Variants in RPP14 observed in about 807,000 individuals in gnomAD.
The protein encoded by RPP14 is ribonuclease P protein subunit p14.
A neutral mutation model predicts 17.8 loss-of-function variants in RPP14; 19 were observed. The observed-to-expected ratio is 1.07, with a 90% CI of 0.74 to 1.57. The LOEUF is 1.57. RPP14 is among the 40% of genes most tolerant of loss of function. The pLI is 0.00. For missense variants in RPP14, 125 were observed against 140.8 expected (o/e 0.89, Z 0.57); for synonymous variants, 60 against 56.4 (o/e 1.06, Z -0.29).
chr3:58,316,468 A>G, intron 3 of RPP14, 47 bp from the exon 4 acceptor site: 9 of 1,522,436 alleles, frequency 5.9e-6, no homozygotes, highest in Non-Finnish European at 8.2e-6. Context: ...CAAGCATTCA[A>G]GAATAATGGT....
At chr3:58,316,364 C>G (rs2097488281) in intron 3 of RPP14, 151 bp from the exon 4 acceptor site, 2 of 647,386 alleles carry the variant, frequency 3.1e-6, no homozygotes, top group Non-Finnish European at 5.5e-6. Context: ...GCAGGGGGAG[C>G]TGTAAGTAGG....
At chr3:58,316,338 A>G (rs1388856559) in intron 3 of RPP14, among the ~76,000 whole-genome samples, 177 bp from the exon 4 acceptor site, 1 of 152,254 alleles carries the variant, frequency 6.6e-6, no homozygotes, top group Non-Finnish European at 1.5e-5. Flanking sequence ...GAAGAGGTGT[A>G]GGCAGAACAT....
chr3:58,317,535 C>T lies in RPP14; in HGVS notation c.*39C>T, dbSNP rs1553725171. On this transcript the variant is annotated 3_prime_UTR_variant, in exon 6 of 6. Transcript: ENST00000295959. ...CATTTTGGAAACGTTCATCCACTCT[C>T]ATATTTATTTTTTGGTGCCTGCATG... The T allele has an allele frequency of 7.2e-7, 1 of 1,388,376 alleles. No homozygotes were observed. 86.0% of individuals were successfully genotyped at this position (1,388,376 alleles called of 1,614,324 possible). A position where few individuals can be genotyped will look rare whatever the true frequency, so the allele number is the denominator to read the frequency against.
chr3:58,310,074 C>A, intron 1 of RPP14: 1 of 475,710 alleles, frequency 2.1e-6, no homozygotes, highest in Non-Finnish European at 3.8e-6. Context: ...GTGGCACGTG[C>A]CTATACTCCC....
intron 1 of RPP14, among the ~76,000 whole-genome samples, chr3:58,309,023 G>A (rs1248235380): frequency 6.6e-6 from 1 of 152,166 alleles, no homozygotes; most frequent in African/African-American, 2.4e-5. Context: ...CCCCTTCCAG[G>A]AATCCCTCTT....
intron 3 of RPP14, among the ~76,000 whole-genome samples, chr3:58,316,178 A>AT (rs1292301153): frequency 2.0e-5 from 3 of 152,228 alleles, no homozygotes; most frequent in Non-Finnish European, 4.4e-5. Flanking sequence ...CATGTTGGAC[A>AT]ATTAGTGACA....
At chr3:58,309,785 G>T (rs536539410) in intron 1 of RPP14, among the ~76,000 whole-genome samples, 1 of 152,222 alleles carries the variant, frequency 6.6e-6, no homozygotes, top group South Asian at 2.1e-4. Context: ...CCAGCTACTC[G>T]GGAGGCTGAG....
At position 58,317,436 on chromosome 3, in the gene RPP14, C is replaced by A. The variant is rs1365765487; in HGVS notation, c.319-4C>A. The stretch of plus-strand genomic sequence containing the variant: ...ATGCCTTAACCTTTTTCTTTCTCTT[C>A]TAGGTTTCTCCATTTCTTCTTGCAT... On this transcript the variant is annotated splice_polypyrimidine_tract_variant and splice_region_variant and intron_variant, in intron 5 of 5. Coordinates refer to ENST00000295959, the MANE Select transcript of RPP14 (RefSeq NM_007042.6). 1 of 1,588,434 alleles carries A rather than the reference C, an allele frequency of 6.3e-7. No individual in the cohort carries two copies. The highest frequency in any genetic ancestry group is 1.7e-5 in the Admixed American group (1 of 58,864).
Position 58,316,569 on chromosome 3 carries a change from G to T in RPP14, c.217G>T (p.Ala73Ser), listed in dbSNP as rs763266408. The part of the protein sequence containing the change: ...ILTYEEKTLS[A>S]ILRICSSGLV... Reference sequence around the variant, plus strand: ...AACCTATGAAGAGAAGACCTTGTCAGCCATCTTGAGAATATGTAGCAGGTA... The same window carrying T: ...AACCTATGAAGAGAAGACCTTGTCATCCATCTTGAGAATATGTAGCAGGTA... The change falls in exon 4 of 6, where the codon GCC (alanine) becomes TCC (serine). Residue 73 changes from alanine (A) to serine (S), a missense_variant. By Grantham distance (99) the Ala-to-Ser change is moderately conservative. Coordinates refer to ENST00000295959, the MANE Select transcript of RPP14 (RefSeq NM_007042.6). The T allele has an allele frequency of 3.7e-6, 6 of 1,613,938 alleles. No individual in the cohort carries two copies. In the African/African-American group the frequency reaches 8.0e-5, roughly 22 times the overall value.
chr3:58,308,923 G>A (rs1035348345), intron 1 of RPP14, among the ~76,000 whole-genome samples: 12 of 152,240 alleles, frequency 7.9e-5, no homozygotes, highest in Non-Finnish European at 1.3e-4. Flanking sequence ...AGCAAGGTTG[G>A]CATGGAGCCA....
Position 58,319,811 on chromosome 3 carries a change from G to A in RPP14, c.*2315G>A, listed in dbSNP as rs984287347. 1.8e-4 allele frequency: 27 copies of A among 151,690 alleles called. No individual in the cohort carries two copies. The highest frequency in any genetic ancestry group is 6.1e-4 in the African/African-American group (25 of 41,264). The allele number at this position is 151,690 out of a possible 1,614,324, so 9.4% of individuals were successfully genotyped here. A position where few individuals can be genotyped will look rare whatever the true frequency, so the allele number is the denominator to read the frequency against. On this transcript the variant is annotated 3_prime_UTR_variant, in exon 6 of 6. Transcript: ENST00000295959. ...TGTTTCCCATTTTTTTTTGTTTCCC[G>A]TTTTTTAATAAAATTGAGATATAAT...
At chr3:58,314,675 A>ATTTTTTTTTTTTTTTTTTTTTTTT (rs751757663) in intron 3 of RPP14, among the ~76,000 whole-genome samples, 8 of 90,560 alleles carry the variant, frequency 8.8e-5, no homozygotes, top group Non-Finnish European at 9.7e-5. Context: ...GTTTGGCAGT[A>ATTTTTTTTTTTTTTTTTTTTTTTT]TTTTTTTTTT....
chr3:58,306,850 G>T (rs1382833280), intron 1 of RPP14, among the ~76,000 whole-genome samples: 2 of 152,148 alleles, frequency 1.3e-5, no homozygotes, highest in Admixed American at 1.3e-4. Flanking sequence ...ACTTTTGTTG[G>T]GGTGGGGAGG....
rs2097492199 is a variant in RPP14 at position 58,319,517 on chromosome 3, G to T, written c.*2021G>T. 6.6e-6 allele frequency: 1 copy of T among 151,986 alleles called. No homozygotes were observed. Among genetic ancestry groups the T allele is most frequent in the Non-Finnish European group, 1.5e-5 (1 of 68,016 alleles). 9.4% of individuals were successfully genotyped at this position (151,986 alleles called of 1,614,324 possible). Reference sequence around the variant, plus strand: ...TAAACGTAACAGACCAGTTTTTCAGGGTGTCAGCCAACCTCTATTAGTGTT... The same window carrying T: ...TAAACGTAACAGACCAGTTTTTCAGTGTGTCAGCCAACCTCTATTAGTGTT... On this transcript the variant is annotated 3_prime_UTR_variant, in exon 6 of 6. Transcript: ENST00000295959.
chr3:58,310,186 G>A, intron 1 of RPP14, 123 bp from the exon 2 acceptor site: 5 of 680,134 alleles, frequency 7.4e-6, no homozygotes, highest in Non-Finnish European at 1.3e-5. Context: ...CAGCCTAGGT[G>A]ACAGGGTGAG....
chr3:58,306,629 G>T (rs1029313008), intron 1 of RPP14: 2 of 152,350 alleles, frequency 1.3e-5, no homozygotes, highest in South Asian at 4.1e-4. Context: ...TGTCCTGAGC[G>T]CTCTCCATGC....
At position 58,316,982 on chromosome 3, in the gene RPP14, C is replaced by T. The variant is rs763270675; in HGVS notation, c.307C>T (p.Arg103Trp). The change falls in exon 5 of 6, where the codon CGG becomes TGG. Residue 103 changes from arginine (R) to tryptophan (W), a missense_variant. By Grantham distance (101) the Arg-to-Trp change is moderately radical (BLOSUM62 -3). Coordinates refer to ENST00000295959, the MANE Select transcript of RPP14 (RefSeq NM_007042.6). ...CTATAAAGGCAAAAAATGTGCTTTC[C>T]GGGTGATTCAGGTAAAGACTATTCC... is the stretch of plus-strand genomic sequence containing the variant. ...GSYKGKKCAF[R>W]VIQVSPFLLA... 24 of 1,613,220 alleles carry T rather than the reference C, an allele frequency of 1.5e-5. 1 individual carries two copies. The highest frequency in any genetic ancestry group is 1.1e-4 in the South Asian group (10 of 91,018).
Position 58,310,640 on chromosome 3 carries a change from A to G in RPP14, c.162+49A>G, listed in dbSNP as rs772787654. Reference sequence around the variant, plus strand: ...AACATTCCAAAGATCTTTGTAAGAAATACAGAAAGAGGCCGGGCGCGGTAG... The same window carrying G: ...AACATTCCAAAGATCTTTGTAAGAAGTACAGAAAGAGGCCGGGCGCGGTAG... On this transcript the variant is annotated intron_variant, in intron 3 of 5. Transcript: ENST00000295959. The G allele has an allele frequency of 3.9e-6, 6 of 1,526,800 alleles. No homozygotes were observed. The Admixed American group carries it at 1.0e-4, about 25-fold the overall frequency. 94.6% of individuals were successfully genotyped at this position (1,526,800 alleles called of 1,614,324 possible).
rs146360695 is a variant in RPP14 at position 58,311,793 on chromosome 3, G to A, written c.162+1202G>A. On this transcript the variant is annotated intron_variant, in intron 3 of 5. Coordinates refer to ENST00000295959, the MANE Select transcript of RPP14 (RefSeq NM_007042.6). ...TATGCCCAGCTGCACATGTCTTTTT[G>A]AATTGATTTCCTTTCTCTTGGATTT... 5.3e-5 allele frequency among the ~76,000 whole-genome samples: 8 copies of A among 151,368 alleles called. No individual in the cohort carries two copies. The East Asian group carries it at 1.4e-3, about 26-fold the overall frequency.
Sources: gnomAD v4.1 joint callset for allele counts (sites outside exome capture counted in the v4.1 genomes callset) on GRCh38, gnomAD v4.1.1 for gene constraint, MANE v1.5 for transcripts, NCBI Gene and HGNC (gene_info 2026-07-23, HGNC 2026-07-21) for gene names.